The following ZNF407 variants were observed in gnomAD, a reference collection of about 807,000 sequenced individuals.
The protein encoded by ZNF407 is zinc finger protein 407.
A neutral mutation model predicts 131.2 loss-of-function variants in ZNF407; 17 were observed. The observed-to-expected ratio is 0.13, with a 90% CI of 0.09 to 0.19. The LOEUF (loss-of-function observed/expected upper bound fraction) is 0.19. ZNF407 is among the 10% of genes least tolerant of loss of function. The pLI is 1.00. For missense variants in ZNF407, 2,681 were observed against 2,830.6 expected (o/e 0.95, Z 1.20); for synonymous variants, 1,156 against 1,062.0 (o/e 1.09, Z -1.72).
intron 8 of ZNF407, among the ~76,000 whole-genome samples, chr18:75,011,301 C>G (rs1203057438): frequency 6.6e-6 from 1 of 152,136 alleles, no homozygotes; most frequent in African/African-American, 2.4e-5. Context: ...GCATGTGTCC[C>G]TTACACGTTT....
chr18:74,940,673 T>G (rs1972087283), intron 8 of ZNF407, among the ~76,000 whole-genome samples: 1 of 152,192 alleles, frequency 6.6e-6, no homozygotes, highest in African/African-American at 2.4e-5. Flanking sequence ...TGCCTCTGTT[T>G]CCTTAAAAAC....
Position 74,632,780 on chromosome 18 carries a change from C to A in ZNF407, c.1761C>A (p.Val587=), listed in dbSNP as rs1984194312. The A allele has an allele frequency of 1.2e-6, 2 of 1,613,798 alleles. No individual in the cohort carries two copies. Among genetic ancestry groups the A allele is most frequent in the Non-Finnish European group, 1.7e-6 (2 of 1,179,880 alleles). The change falls in exon 2 of 9, where the codon GTC becomes GTA. Residue 587 remains valine (V), a synonymous_variant. Coordinates refer to ENST00000299687, the MANE Select transcript of ZNF407 (RefSeq NM_017757.3). ...HSNQHQQTAS[V]LSCQCCSFIS... is the part of the protein sequence containing the mutation. ...ACCAGCATCAGCAAACTGCTTCTGTCCTGAGTTGTCAGTGTTGTTCATTTA... is the reference window on the plus strand; with the variant it reads ...ACCAGCATCAGCAAACTGCTTCTGTACTGAGTTGTCAGTGTTGTTCATTTA...
intron 3 of ZNF407, among the ~76,000 whole-genome samples, chr18:74,749,502 C>T (rs1036363276): frequency 3.3e-5 from 5 of 152,072 alleles, no homozygotes; most frequent in Non-Finnish European, 7.4e-5. Flanking sequence ...ATCATAAAAC[C>T]TAACTGAGAT....
chr18:75,001,293 T>C (rs1044746718), intron 8 of ZNF407, among the ~76,000 whole-genome samples: 5 of 152,198 alleles, frequency 3.3e-5, no homozygotes, highest in African/African-American at 1.2e-4. Flanking sequence ...ATATTATAAA[T>C]AGAATGATAT....
At chr18:74,605,301 A>G (rs1033951349) in intron 1 of ZNF407, among the ~76,000 whole-genome samples, 2 of 152,218 alleles carry the variant, frequency 1.3e-5, no homozygotes, top group African/African-American at 4.8e-5. Context: ...TGCTGTCTGC[A>G]GCTCCTAGCT....
chr18:74,675,904 G>A (rs1229554219), intron 3 of ZNF407, among the ~76,000 whole-genome samples: 2 of 151,978 alleles, frequency 1.3e-5, no homozygotes, highest in Non-Finnish European at 2.9e-5. Context: ...AGCCTTCATT[G>A]TTGTTGTTTT....
chr18:74,784,710 G>A (rs967165187), intron 4 of ZNF407, among the ~76,000 whole-genome samples: 3 of 152,318 alleles, frequency 2.0e-5, no homozygotes, highest in South Asian at 2.1e-4. Context: ...TCATTTGAAA[G>A]TATTCGCTAT....
chr18:74,744,315 G>C (rs1412787480), intron 3 of ZNF407, among the ~76,000 whole-genome samples: 3 of 152,150 alleles, frequency 2.0e-5, no homozygotes, highest in African/African-American at 7.2e-5. Context: ...CCAGGGAGTG[G>C]ATTGATGGCT....
chr18:74,928,360 G>T (rs1379725468), intron 8 of ZNF407, among the ~76,000 whole-genome samples: 1 of 152,186 alleles, frequency 6.6e-6, no homozygotes, highest in East Asian at 1.9e-4. Context: ...AGAAGCCAAG[G>T]TTCTTATTAT....
intron 3 of ZNF407, among the ~76,000 whole-genome samples, chr18:74,649,730 T>A (rs1985140800): frequency 6.6e-6 from 1 of 152,228 alleles, no homozygotes. Context: ...TTTATCCCAC[T>A]GGCATTCTAA....
At chr18:74,751,537 G>A (rs1303668006) in intron 3 of ZNF407, among the ~76,000 whole-genome samples, 1 of 147,288 alleles carries the variant, frequency 6.8e-6, no homozygotes, top group African/African-American at 2.5e-5. Flanking sequence ...CCCACCACAC[G>A]ACAGGCCCCC....
At chr18:74,901,704 CT>C (rs1184499513) in intron 7 of ZNF407, among the ~76,000 whole-genome samples, 1 of 152,004 alleles carries the variant, frequency 6.6e-6, no homozygotes, top group African/African-American at 2.4e-5. Flanking sequence ...CAATTCATGA[CT>C]TGTGTGTGGC....
At chr18:74,964,465 C>T (rs531413453) in intron 8 of ZNF407, among the ~76,000 whole-genome samples, 1 of 152,132 alleles carries the variant, frequency 6.6e-6, no homozygotes, top group Middle Eastern at 3.4e-3. Context: ...TGTTTGTAAC[C>T]TTGGAATTTC....
chr18:74,937,589 G>A (rs1360378831), intron 8 of ZNF407, among the ~76,000 whole-genome samples: 2 of 152,152 alleles, frequency 1.3e-5, no homozygotes, highest in African/African-American at 4.8e-5. Context: ...TACAGAATAA[G>A]GGATTTATTG....
rs575721742 is a variant in ZNF407, at chr18:75,000,128, C to T, written c.5429-63022C>T. ...CTTATTTCCATAAAATATCTGTGGGCGGGTCCACAGGAAACCGATATGGCA... is the reference window on the plus strand; with the variant it reads ...CTTATTTCCATAAAATATCTGTGGGTGGGTCCACAGGAAACCGATATGGCA... On this transcript the variant is annotated intron_variant, in intron 8 of 8. Transcript: ENST00000299687. Among the ~76,000 whole-genome samples, 14 of 152,200 alleles carry T rather than the reference C, an allele frequency of 9.2e-5. No homozygotes were observed. The East Asian group carries it at 1.2e-3, about 13-fold the overall frequency.
chr18:74,938,294 A>G (rs1305533629), intron 8 of ZNF407, among the ~76,000 whole-genome samples: 6 of 152,198 alleles, frequency 3.9e-5, no homozygotes, highest in Non-Finnish European at 7.3e-5. Context: ...TAGGGCCGTT[A>G]TAGTAACCAA....
Position 74,737,827 on chromosome 18 carries a change from ATAAT to A in ZNF407, c.4803-43599_4803-43596del, listed in dbSNP as rs147945159. 3.2e-3 allele frequency among the ~76,000 whole-genome samples: 492 copies of A among 152,354 alleles called. 2 individuals are homozygous for A. Among genetic ancestry groups the A allele is most frequent in the African/African-American group, 0.012 (484 of 41,586 alleles). Reference sequence around the variant, plus strand: ...GTGGCACATGTTCTAGATTTAAAAAATAATTCTAGTAAAAATAAGTATTGTCATT... The same window carrying A: ...GTGGCACATGTTCTAGATTTAAAAAATCTAGTAAAAATAAGTATTGTCATT... On this transcript the variant is annotated intron_variant, in intron 3 of 8. Coordinates refer to ENST00000299687, the MANE Select transcript of ZNF407 (RefSeq NM_017757.3).
At chr18:74,716,563 T>C (rs1967898789) in intron 3 of ZNF407, among the ~76,000 whole-genome samples, 1 of 152,172 alleles carries the variant, frequency 6.6e-6, no homozygotes, top group African/African-American at 2.4e-5. Flanking sequence ...AACTTATCCG[T>C]GGAGTTTTAC....
chr18:74,666,532 G>T (rs971618748), intron 3 of ZNF407, among the ~76,000 whole-genome samples: 3 of 152,124 alleles, frequency 2.0e-5, no homozygotes, highest in African/African-American at 7.2e-5. Flanking sequence ...TTTGATCCTT[G>T]GTTTACCTCC....
Sources: allele counts gnomAD v4.1 joint callset (sites outside exome capture counted in the v4.1 genomes callset), GRCh38; gene constraint gnomAD v4.1.1; transcripts MANE v1.5; gene names NCBI Gene and HGNC (gene_info 2026-07-23, HGNC 2026-07-21).